Variants in SLC25A26 observed in about 807,000 individuals in gnomAD.
SLC25A26 encodes mitochondrial S-adenosylmethionine carrier protein.
In SLC25A26, 36 loss-of-function variants were observed where a neutral mutation model predicts 37.8. That is an observed-to-expected ratio of 0.95 (90% CI 0.73 to 1.26). The LOEUF (loss-of-function observed/expected upper bound fraction) is 1.26, where lower values mean the gene tolerates loss of function less well. SLC25A26 is among the 50% of genes most tolerant of loss of function. The pLI, the probability that SLC25A26 is intolerant of heterozygous loss-of-function variation, is 0.00. For synonymous variants in SLC25A26, 129 were observed against 122.5 expected, an observed-to-expected ratio of 1.05 and a Z score of -0.35; for missense variants, 390 against 331.1, an observed-to-expected ratio of 1.18 and a Z score of -1.38.
intron 3 of SLC25A26, among the ~76,000 whole-genome samples, chr3:66,256,553 C>T (rs913509378): frequency 7.9e-5 from 12 of 152,068 alleles, no homozygotes; most frequent in Non-Finnish European, 4.4e-5. Context: ...TTTTTCCCTA[C>T]TCTTTACATA....
At chr3:66,294,050 C>G (rs527394494) in intron 5 of SLC25A26, among the ~76,000 whole-genome samples, 1 of 151,752 alleles carries the variant, frequency 6.6e-6, no homozygotes, top group African/African-American at 2.4e-5. Context: ...TTTCTAGTTC[C>G]GTGAAGAATG....
chr3:66,318,413 G>C (rs1347208759), intron 5 of SLC25A26, among the ~76,000 whole-genome samples: 1 of 152,120 alleles, frequency 6.6e-6, no homozygotes. Context: ...TTGACCAGGG[G>C]AGGGAGCCCC....
chr3:66,304,557 CT>C (rs968878549), intron 5 of SLC25A26: 16 of 442,994 alleles, frequency 3.6e-5, no homozygotes, highest in African/African-American at 3.3e-4. Flanking sequence ...GTAACAACCC[CT>C]GATTGCTGAA....
intron 5 of SLC25A26, among the ~76,000 whole-genome samples, chr3:66,331,280 A>G (rs947060525): frequency 2.6e-5 from 4 of 152,032 alleles, no homozygotes; most frequent in African/African-American, 9.7e-5. Context: ...ATGTTGATTG[A>G]TACTGCAAAC....
chr3:66,168,140 CA>C (rs1316476771), intron 1 of SLC25A26, among the ~76,000 whole-genome samples: 3 of 147,254 alleles, frequency 2.0e-5, no homozygotes, highest in Admixed American at 2.0e-4. Flanking sequence ...GCAACAAGAG[CA>C]AAACTCAGTC....
intron 2 of SLC25A26, among the ~76,000 whole-genome samples, chr3:66,237,961 CT>C (rs571706529): frequency 6.6e-6 from 1 of 152,128 alleles, no homozygotes; most frequent in African/African-American, 2.4e-5. Flanking sequence ...ATTTCTGTTT[CT>C]TTTTTTCTCC....
At chr3:66,144,783 A>G (rs1488245556) in intron 1 of SLC25A26, among the ~76,000 whole-genome samples, 1 of 152,162 alleles carries the variant, frequency 6.6e-6, no homozygotes, top group African/African-American at 2.4e-5. Context: ...ATCATTGCTA[A>G]CTCATTGAGT....
At position 66,340,887 on chromosome 3, in the gene SLC25A26, TAAA is replaced by T. The variant is rs11452433; in HGVS notation, c.454-5470_454-5468del. Among the ~76,000 whole-genome samples the T allele has an allele frequency of 7.9e-5, 12 of 150,960 alleles. No homozygotes were observed. In the East Asian group the frequency reaches 1.4e-3, roughly 17 times the overall value. On this transcript the variant is annotated intron_variant, in intron 5 of 9. Transcript: ENST00000354883. ...ATAATATTGTAAATATAATTTTTTGTAAAAAAAAAGTCGTTTTTCATTTATTTG... is the reference window on the plus strand; with the variant it reads ...ATAATATTGTAAATATAATTTTTTGTAAAAAAGTCGTTTTTCATTTATTTG...
chr3:66,167,493 T>C (rs1235095560), intron 1 of SLC25A26, among the ~76,000 whole-genome samples: 1 of 152,234 alleles, frequency 6.6e-6, no homozygotes, highest in Non-Finnish European at 1.5e-5. Flanking sequence ...TATAAGCCAA[T>C]AAATTCCCTT....
intron 1 of SLC25A26, among the ~76,000 whole-genome samples, chr3:66,215,215 T>G (rs1453814044): frequency 6.6e-6 from 1 of 152,192 alleles, no homozygotes. Flanking sequence ...TTATTTTTAT[T>G]TTTTGAGACA....
At chr3:66,221,540 A>T (rs1016138205) in intron 1 of SLC25A26, among the ~76,000 whole-genome samples, 1 of 151,954 alleles carries the variant, frequency 6.6e-6, no homozygotes, top group Admixed American at 6.6e-5. Context: ...TACGTTTCTC[A>T]TTTTGCTGCA....
At chr3:66,209,849 G>T (rs2071252604) in intron 1 of SLC25A26, among the ~76,000 whole-genome samples, 1 of 109,424 alleles carries the variant, frequency 9.1e-6, no homozygotes, top group Non-Finnish European at 1.9e-5. Context: ...TATAGAGAGA[G>T]GTGTGTATAC....
intron 1 of SLC25A26, among the ~76,000 whole-genome samples, chr3:66,211,211 T>G (rs891813543): frequency 6.6e-5 from 10 of 152,230 alleles, no homozygotes; most frequent in Admixed American, 3.9e-4. Context: ...ATGTTCGACC[T>G]GTAGCATTAA....
intron 9 of SLC25A26, chr3:66,371,201 G>C: frequency 7.3e-6 from 11 of 1,502,068 alleles, no homozygotes; most frequent in Non-Finnish European, 8.9e-6. Flanking sequence ...TTTTCTCTTA[G>C]GGACCATATA....
chr3:66,249,337 C>T (rs951633486), intron 3 of SLC25A26, among the ~76,000 whole-genome samples: 4 of 152,172 alleles, frequency 2.6e-5, no homozygotes, highest in Non-Finnish European at 5.9e-5. Flanking sequence ...CAGTCCATTC[C>T]AGGGTCTCCT....
chr3:66,176,820 T>A (rs557184608), intron 1 of SLC25A26, among the ~76,000 whole-genome samples: 1 of 152,250 alleles, frequency 6.6e-6, no homozygotes, highest in East Asian at 1.9e-4. Flanking sequence ...GTTGCCTTAA[T>A]TGGGGAAGGG....
At chr3:66,363,892 A>G (rs779677871) in intron 7 of SLC25A26, among the ~76,000 whole-genome samples, 2 of 152,198 alleles carry the variant, frequency 1.3e-5, no homozygotes, top group Non-Finnish European at 2.9e-5. Context: ...CATGAAACCA[A>G]TCCAGATTGA....
At chr3:66,172,918 C>A (rs971000826) in intron 1 of SLC25A26, among the ~76,000 whole-genome samples, 2 of 152,190 alleles carry the variant, frequency 1.3e-5, no homozygotes, top group Non-Finnish European at 2.9e-5. Context: ...TAACTAATTA[C>A]ATCTACAAGG....
upstream of SLC25A26, among the ~76,000 whole-genome samples, chr3:66,216,909 C>G (rs1361927712): frequency 6.6e-6 from 1 of 152,124 alleles, no homozygotes; most frequent in South Asian, 2.1e-4. Flanking sequence ...AAAGCATGCA[C>G]AAGTAGTAAT....
Sources: allele counts gnomAD v4.1 joint callset (sites outside exome capture counted in the v4.1 genomes callset), GRCh38; gene constraint gnomAD v4.1.1; transcripts MANE v1.5; gene names NCBI Gene and HGNC (gene_info 2026-07-23, HGNC 2026-07-21).